Variants in METTL15 observed in about 807,000 individuals in gnomAD.
METTL15 encodes methyltransferase 15, mitochondrial 12S rRNA N4-cytidine, also known as 12S rRNA N(4)-cytidine methyltransferase METTL15.
Under a neutral mutation model 38.3 loss-of-function variants are expected in METTL15, and 34 were observed. That is an observed-to-expected ratio of 0.89 (90% confidence interval 0.68 to 1.18). METTL15 has a LOEUF of 1.18. METTL15 is among the 50% of genes most tolerant of loss of function. The probability of loss-of-function intolerance (pLI) is 0.00; values close to 1 mark genes in which losing one functional copy is unlikely to be tolerated. For synonymous variants in METTL15, 162 were observed against 170.9 expected, an observed-to-expected ratio of 0.95 and a Z score of 0.41; for missense variants, 438 against 498.4, an observed-to-expected ratio of 0.88 and a Z score of 1.15.
At chr11:28,463,577 T>A (rs780584229) in intron 6 of METTL15, among the ~76,000 whole-genome samples, 85 of 152,106 alleles carry the variant, frequency 5.6e-4, no homozygotes, top group Non-Finnish European at 1.1e-3. Flanking sequence ...GGGCTCTAAG[T>A]CATATGATTC....
intron 3 of METTL15, among the ~76,000 whole-genome samples, chr11:28,129,456 C>CTGGA (rs1852659596): frequency 6.7e-6 from 1 of 150,348 alleles, no homozygotes; most frequent in African/African-American, 2.5e-5. Flanking sequence ...CTTGCCTAGG[C>CTGGA]TGGAGTGCAG....
intron 6 of METTL15, among the ~76,000 whole-genome samples, chr11:28,482,687 T>C (rs975440332): frequency 6.6e-6 from 1 of 152,216 alleles, no homozygotes; most frequent in African/African-American, 2.4e-5. Context: ...TTTGTCTGGC[T>C]CAGGGCTACA....
chr11:28,208,979 C>T (rs1852500632), intron 3 of METTL15, among the ~76,000 whole-genome samples: 1 of 151,872 alleles, frequency 6.6e-6, no homozygotes, highest in African/African-American at 2.4e-5. Context: ...TCATAAATTC[C>T]ATTTGTCTGC....
chr11:28,232,703 A>G (rs1165788305), intron 4 of METTL15, among the ~76,000 whole-genome samples: 2 of 151,928 alleles, frequency 1.3e-5, no homozygotes, highest in Non-Finnish European at 2.9e-5. Flanking sequence ...TTTTGCAATG[A>G]TACTGGTTAA....
At chr11:28,427,199 C>T (rs1850873076) in intron 6 of METTL15, among the ~76,000 whole-genome samples, 1 of 152,160 alleles carries the variant, frequency 6.6e-6, no homozygotes, top group African/African-American at 2.4e-5. Flanking sequence ...GGAATTATTT[C>T]CCCATTGTTT....
chr11:28,378,764 T>TTTTTG (rs1356468686), intron 5 of METTL15, among the ~76,000 whole-genome samples: 1 of 148,096 alleles, frequency 6.8e-6, no homozygotes, highest in Non-Finnish European at 1.5e-5. Context: ...CTCTTCAGTT[T>TTTTTG]TTTTTTTTTT....
chr11:28,170,528 T>G (rs572829820), intron 3 of METTL15, among the ~76,000 whole-genome samples: 83 of 152,298 alleles, frequency 5.4e-4, no homozygotes, highest in African/African-American at 1.9e-3. Flanking sequence ...GGCTGCTTGA[T>G]TGATAATACT....
At chr11:28,424,240 A>G (rs545133812) in intron 5 of METTL15, 6 of 152,286 alleles carry the variant, frequency 3.9e-5, no homozygotes, top group African/African-American at 1.4e-4. Flanking sequence ...GAAAACTAAA[A>G]ATGTCTAGCA....
intron 4 of METTL15, among the ~76,000 whole-genome samples, chr11:28,259,220 T>A (rs541531874): frequency 1.3e-5 from 2 of 152,188 alleles, no homozygotes; most frequent in East Asian, 3.9e-4. Context: ...ACCAGTACCC[T>A]GTCTTGCTAT....
In METTL15 at chr11:28,330,664, A is replaced by G; in HGVS notation, c.1047A>G (p.Gln349=). The G allele has an allele frequency of 1.3e-6, 2 of 1,551,458 alleles. No homozygotes were observed. Among genetic ancestry groups the G allele is most frequent in the Non-Finnish European group, 1.7e-6 (2 of 1,146,798 alleles). ...GATTTAACCTAAGTGTTAGACAACAAGTGATGAAAACATCTCAATTGGGTT... is the reference window on the plus strand; with the variant it reads ...GATTTAACCTAAGTGTTAGACAACAGGTGATGAAAACATCTCAATTGGGTT... ...TERFNLSVRQ[Q]VMKTSQLGSD... Residue 349 remains glutamine (Q), a synonymous_variant, in exon 7 of 7, where the codon CAA becomes CAG. Transcript: ENST00000407364.
chr11:28,358,916 TTTG>T (rs1850112266), intron 4 of METTL15, among the ~76,000 whole-genome samples: 6 of 152,228 alleles, frequency 3.9e-5, no homozygotes, highest in Admixed American at 2.0e-4. Context: ...ATAAATATTC[TTTG>T]TTGTTGTTGT....
downstream of METTL15, among the ~76,000 whole-genome samples, chr11:28,337,339 T>C (rs1849909964): frequency 6.6e-6 from 1 of 152,054 alleles, no homozygotes. Context: ...TCACAGCTTG[T>C]TGCAGTCTTG....
intron 4 of METTL15, among the ~76,000 whole-genome samples, chr11:28,284,997 A>G (rs1196429925): frequency 6.6e-6 from 1 of 152,096 alleles, no homozygotes; most frequent in South Asian, 2.1e-4. Context: ...GGTTTCCCCC[A>G]TGCTGTTCTG....
intron 4 of METTL15, among the ~76,000 whole-genome samples, chr11:28,234,957 T>C (rs1045359687): frequency 2.6e-5 from 4 of 151,224 alleles, no homozygotes; most frequent in Non-Finnish European, 5.9e-5. Flanking sequence ...TTTAAATCTT[T>C]AATCCATCTT....
chr11:28,477,190 C>A lies in METTL15; in HGVS notation c.*425-49288C>A, dbSNP rs552903560. ...GTATGGTCATATTGCAATTTATTTT[C>A]TTTTCTTTTTTTGAGATGGCGTCTC... is the stretch of plus-strand genomic sequence containing the variant. On this transcript the variant is annotated intron_variant and NMD_transcript_variant, in intron 6 of 7. Coordinates refer to the METTL15 transcript ENST00000532947. 9.9e-5 allele frequency among the ~76,000 whole-genome samples: 15 copies of A among 152,158 alleles called. No homozygotes were observed. In the South Asian group the frequency reaches 2.7e-3, roughly 27 times the overall value.
At chr11:28,316,537 A>G (rs1329650493) in intron 6 of METTL15, among the ~76,000 whole-genome samples, 1 of 152,200 alleles carries the variant, frequency 6.6e-6, no homozygotes, top group East Asian at 1.9e-4. Flanking sequence ...TACTGCTGAA[A>G]TAAGTTAAGA....
chr11:28,210,851 C>G (rs1174744172), intron 3 of METTL15, among the ~76,000 whole-genome samples: 1 of 151,992 alleles, frequency 6.6e-6, no homozygotes, highest in Non-Finnish European at 1.5e-5. Context: ...GGTTATTTTA[C>G]TGATAGTCTG....
intron 5 of METTL15, among the ~76,000 whole-genome samples, chr11:28,384,281 T>G (rs1033870042): frequency 2.6e-5 from 4 of 151,914 alleles, no homozygotes; most frequent in African/African-American, 9.7e-5. Context: ...GCACTAAACA[T>G]ATGCATGCAG....
chr11:28,410,756 T>C (rs1850717623), intron 5 of METTL15: 1 of 151,990 alleles, frequency 6.6e-6, no homozygotes, highest in South Asian at 2.1e-4. Flanking sequence ...AACATAGTAC[T>C]GGAAATACTG....
Sources: gnomAD v4.1 joint callset for allele counts (sites outside exome capture counted in the v4.1 genomes callset) on GRCh38, gnomAD v4.1.1 for gene constraint, MANE v1.5 for transcripts, NCBI Gene and HGNC (gene_info 2026-07-23, HGNC 2026-07-21) for gene names.